Variants in TOP1MT observed in about 807,000 individuals in gnomAD.
TOP1MT encodes DNA topoisomerase I mitochondrial, also known as DNA topoisomerase I, mitochondrial.
TOP1MT carries 80 observed loss-of-function variants against 73.9 expected under a neutral mutation model. That is an observed-to-expected ratio of 1.08 (90% CI 0.90 to 1.30). The LOEUF (loss-of-function observed/expected upper bound fraction) is 1.30, where lower values mean the gene tolerates loss of function less well. TOP1MT is among the 50% of genes most tolerant of loss of function. TOP1MT has a pLI of 0.00. For synonymous variants in TOP1MT, 338 were observed against 326.4 expected (o/e 1.04, Z -0.38); for missense variants, 815 against 808.0 (o/e 1.01, Z -0.10).
intron 8 of TOP1MT, among the ~76,000 whole-genome samples, chr8:143,320,395 G>A (rs1446763013): frequency 1.3e-5 from 2 of 152,200 alleles, no homozygotes; most frequent in South Asian, 2.1e-4. Context: ...CTCCCAAAGT[G>A]CTGGGATTAC....
chr8:143,317,586 C>T, intron 10 of TOP1MT, 137 bp downstream of exon 10: 3 of 750,328 alleles, frequency 4.0e-6, no homozygotes, highest in Non-Finnish European at 6.4e-6. Context: ...GCCAAGCAGC[C>T]AGCCCACAAC....
chr8:143,323,376 A>G (rs1816588470), intron 7 of TOP1MT, among the ~76,000 whole-genome samples: 1 of 133,342 alleles, frequency 7.5e-6, no homozygotes, highest in African/African-American at 3.0e-5. Context: ...CACGCCACAC[A>G]GATGCATGCC....
Position 143,329,235 on chromosome 8 carries a change from G to GTCA in TOP1MT, c.360+112_360+114dup, listed in dbSNP as rs1412295165. The stretch of plus-strand genomic sequence containing the variant: ...AGAGCCATGACGGCACCTGTGAGTG[G>GTCA]TCACACAGGGGCCACCGAGAACTTG... On this transcript the variant is annotated intron_variant, in intron 3 of 13. Transcript: ENST00000329245. The GTCA allele has an allele frequency of 4.2e-6, 5 of 1,193,740 alleles. No homozygotes were observed. The Admixed American group carries it at 1.3e-4, about 32-fold the overall frequency. The allele number at this position is 1,193,740 out of a possible 1,614,324, so 73.9% of individuals were successfully genotyped here.
At chr8:143,314,658 G>A (rs1182627368) in intron 12 of TOP1MT, among the ~76,000 whole-genome samples, 2 of 151,932 alleles carry the variant, frequency 1.3e-5, no homozygotes, top group Non-Finnish European at 2.9e-5. Flanking sequence ...GGGAAGGCGC[G>A]TCTGAAGCTG....
upstream of TOP1MT, among the ~76,000 whole-genome samples, chr8:143,339,836 T>TC (rs1450899633): frequency 6.9e-6 from 1 of 144,310 alleles, no homozygotes; most frequent in Admixed American, 6.9e-5. Flanking sequence ...TACACAGCAT[T>TC]CCCCCCGTCC....
upstream of TOP1MT, chr8:143,334,899 GCCCCAGCGGCCAGCCCCGCCCCGC>G (rs571513932): frequency 5.3e-4 from 731 of 1,372,178 alleles, 6 homozygotes; most frequent in African/African-American, 9.7e-3. Context: ...GCTGGGCCCC[GCCCCAGCGGCCAGCCCCGCCCCGC>G]CCCCAGCGGC....
upstream of TOP1MT, among the ~76,000 whole-genome samples, chr8:143,347,810 G>T (rs989039129): frequency 3.3e-5 from 5 of 152,068 alleles, no homozygotes; most frequent in Non-Finnish European, 2.9e-5. Flanking sequence ...GTCCAAGGTG[G>T]GCTGTGCGGG....
upstream of TOP1MT, among the ~76,000 whole-genome samples, chr8:143,345,143 G>A (rs567667441): frequency 6.6e-6 from 1 of 152,148 alleles, no homozygotes; most frequent in Admixed American, 6.5e-5. Context: ...GAGTATGCAT[G>A]GGAGACTCCC....
upstream of TOP1MT, among the ~76,000 whole-genome samples, chr8:143,359,014 G>T (rs2980278): frequency 2.0e-3 from 253 of 124,650 alleles, 1 homozygote; most frequent in African/African-American, 0.014. Context: ...TCTGTTTTTT[G>T]GTTTTTTTTT....
intron 1 of TOP1MT, among the ~76,000 whole-genome samples, chr8:143,351,309 A>G (rs1817316502): frequency 6.6e-6 from 1 of 152,264 alleles, no homozygotes; most frequent in African/African-American, 2.4e-5. Flanking sequence ...GCGGTGGCTC[A>G]GGCCTGTAAT....
chr8:143,309,894 C>A, intron 13 of TOP1MT, 174 bp downstream of exon 13: 1 of 1,566,688 alleles, frequency 6.4e-7, no homozygotes, highest in Non-Finnish European at 8.6e-7. Context: ...ACGTTCAGGG[C>A]AGGGAGAGCT....
At chr8:143,328,404 A>T in intron 3 of TOP1MT, 1 of 407,958 alleles carries the variant, frequency 2.5e-6, no homozygotes, top group South Asian at 1.8e-5. Context: ...AAGTTCACGA[A>T]AGAAAATACT....
chr8:143,351,185 G>A (rs1385886550), intron 1 of TOP1MT, among the ~76,000 whole-genome samples: 2 of 152,090 alleles, frequency 1.3e-5, no homozygotes, highest in East Asian at 1.9e-4. Flanking sequence ...TGTTGTATTT[G>A]GAGTTGAGCT....
chr8:143,332,507 G>C, intron 1 of TOP1MT: 1 of 1,289,384 alleles, frequency 7.8e-7, no homozygotes, highest in South Asian at 1.2e-5. Flanking sequence ...CAGGAGACCT[G>C]CACGTGACCC....
rs2272636 is a variant in TOP1MT, at chr8:143,317,716, G to C, written c.1330+7C>G. The C allele has an allele frequency of 3.7e-6, 6 of 1,611,396 alleles. No individual in the cohort carries two copies. The highest frequency in any genetic ancestry group is 3.4e-6 in the Non-Finnish European group (4 of 1,178,662). On this transcript the variant is annotated splice_region_variant and intron_variant, in intron 10 of 13. Transcript: ENST00000329245. ...CCGCGCTGAGTGTGGGTGTGGGGCAGGCTCACCGCGCGTCAGGGCCCGCAG... is the reference window on the plus strand; with the variant it reads ...CCGCGCTGAGTGTGGGTGTGGGGCACGCTCACCGCGCGTCAGGGCCCGCAG...
chr8:143,321,771 C>CAA (rs1466719891), intron 7 of TOP1MT, among the ~76,000 whole-genome samples: 2 of 65,174 alleles, frequency 3.1e-5, no homozygotes, highest in Non-Finnish European at 7.2e-5. Context: ...AGGCACGCCA[C>CAA]ACACACGCAC....
intron 1 of TOP1MT, chr8:143,343,365 C>A: frequency 2.3e-6 from 1 of 440,968 alleles, no homozygotes; most frequent in Non-Finnish European, 4.6e-6. Flanking sequence ...AGAGTCAGAA[C>A]AACCTCATGG....
rs372663493 is a variant in TOP1MT at position 143,317,993 on chromosome 8, G to A, written c.1215+25C>T. On this transcript the variant is annotated intron_variant, in intron 9 of 13. Transcript: ENST00000329245. ...TCACTGGGTCCTGCCGCCGCCCACTGCTGAGGAAACACGAGCCGGCTTACG... is the reference window on the plus strand; with the variant it reads ...TCACTGGGTCCTGCCGCCGCCCACTACTGAGGAAACACGAGCCGGCTTACG... 2.0e-5 allele frequency: 33 copies of A among 1,613,692 alleles called. No individual in the cohort carries two copies. In the African/African-American group the frequency reaches 4.3e-4, roughly 21 times the overall value.
At chr8:143,355,759 A>T (rs546210299) in intron 1 of TOP1MT, among the ~76,000 whole-genome samples, 1 of 152,122 alleles carries the variant, frequency 6.6e-6, no homozygotes, top group Non-Finnish European at 1.5e-5. Context: ...CGCATTACGA[A>T]CCTGCTCCAC....
Sources: allele counts gnomAD v4.1 joint callset (sites outside exome capture counted in the v4.1 genomes callset), GRCh38; gene constraint gnomAD v4.1.1; transcripts MANE v1.5; gene names NCBI Gene and HGNC (gene_info 2026-07-23, HGNC 2026-07-21).